PSORS1C1: variants seen among roughly 807,000 people sequenced by gnomAD.
PSORS1C1 encodes psoriasis susceptibility 1 candidate 1.
A neutral mutation model predicts 9.4 loss-of-function variants in PSORS1C1; 7 were observed. The observed-to-expected ratio is 0.75, with a 90% CI of 0.42 to 1.40. PSORS1C1 has a LOEUF of 1.40. PSORS1C1 is among the 40% of genes most tolerant of loss of function. The pLI is 0.01. For missense variants in PSORS1C1, 146 were observed against 178.1 expected, an observed-to-expected ratio of 0.82 and a Z score of 1.02; for synonymous variants, 63 against 69.4, an observed-to-expected ratio of 0.91 and a Z score of 0.46.
At chr6:31,119,960 A>C (rs1183725915) in intron 1 of PSORS1C1, among the ~76,000 whole-genome samples, 1 of 152,186 alleles carries the variant, frequency 6.6e-6, no homozygotes, top group Non-Finnish European at 1.5e-5. Flanking sequence ...TGCTTAAAAC[A>C]GAGTCTAGCA....
chr6:31,138,883 C>T, intron 5 of PSORS1C1, 104 bp downstream of exon 5: 1 of 1,600,478 alleles, frequency 6.2e-7, no homozygotes, highest in Non-Finnish European at 8.6e-7. Flanking sequence ...GAATTCCTGT[C>T]CCCAACCCCA....
intron 3 of PSORS1C1, among the ~76,000 whole-genome samples, chr6:31,137,146 A>T (rs1219027515): frequency 7.7e-6 from 1 of 130,472 alleles, no homozygotes; most frequent in Non-Finnish European, 1.6e-5. Flanking sequence ...GACTCCGTCT[A>T]AAAAAAAAAG....
rs56899166 is a variant in PSORS1C1, at chr6:31,116,020, ACTT to A, written c.-229+1133_-229+1135del. 824,604 of 1,601,398 alleles carry A rather than the reference ACTT, an allele frequency of 0.51. 218,877 individuals are homozygous for A. Among genetic ancestry groups the A allele is most frequent in the East Asian group, 0.68 (30,659 of 44,760 alleles). On this transcript the variant is annotated intron_variant, in intron 1 of 5. Coordinates refer to ENST00000259881, the MANE Select transcript of PSORS1C1 (RefSeq NM_014068.3). ...AAGGCATGCACACACACAACAGTTG[ACTT>A]CTTATGGACTGTTGAGTAACTCTCC...
intron 1 of PSORS1C1, among the ~76,000 whole-genome samples, chr6:31,119,209 C>G (rs9263665): frequency 0.053 from 8,029 of 152,168 alleles, 305 homozygotes; most frequent in South Asian, 0.12. Flanking sequence ...CCTGATCCCT[C>G]CACCAACAAC....
intron 3 of PSORS1C1, among the ~76,000 whole-genome samples, chr6:31,136,921 T>C (rs3130571): frequency 0.83 from 125,722 of 151,572 alleles, 52,361 homozygotes; most frequent in African/African-American, 0.93. Flanking sequence ...GAGGCCGAGG[T>C]GGGCAGATCA....
chr6:31,121,474 G>A (rs967831106), intron 1 of PSORS1C1, among the ~76,000 whole-genome samples: 5 of 152,216 alleles, frequency 3.3e-5, no homozygotes, highest in Non-Finnish European at 5.9e-5. Context: ...GAGAACCGGA[G>A]CCCTGCCATC....
chr6:31,137,684 A>C, intron 3 of PSORS1C1: 23 of 362,650 alleles, frequency 6.3e-5, no homozygotes, highest in Middle Eastern at 6.9e-4. Flanking sequence ...GGTGGGAGGT[A>C]GGTGCGGCCG....
intron 1 of PSORS1C1, chr6:31,120,507 A>C: frequency 8.5e-7 from 1 of 1,180,430 alleles, no homozygotes; most frequent in Non-Finnish European, 1.2e-6. Flanking sequence ...GGCAGGAGTC[A>C]CTGTGGGGAG....
At chr6:31,119,356 C>T (rs3095324) in intron 1 of PSORS1C1, among the ~76,000 whole-genome samples, 52,864 of 151,896 alleles carry the variant, frequency 0.35, 9,631 homozygotes, top group South Asian at 0.54. Flanking sequence ...CTCTCTCTTT[C>T]GCTATTCCCT....
At position 31,140,035 on chromosome 6, in the gene PSORS1C1, C is replaced by T. The variant is rs990192343; in HGVS notation, c.*103C>T. On this transcript the variant is annotated 3_prime_UTR_variant, in exon 6 of 6. Coordinates refer to ENST00000259881, the MANE Select transcript of PSORS1C1 (RefSeq NM_014068.3). This position sits in a 1 kb window ranked among gnomAD's most constrained non-coding sequence, Gnocchi z 4.6. The stretch of plus-strand genomic sequence containing the variant: ...ATGTCCAAAATAAAATTTGATTCCT[C>T]CCAGGTTGTTCCCTGCCTGGTCCGC... The T allele has an allele frequency of 3.9e-5, 46 of 1,164,786 alleles. No homozygotes were observed. Among genetic ancestry groups the T allele is most frequent in the Non-Finnish European group, 5.7e-5 (46 of 807,326 alleles). The allele number at this position is 1,164,786 out of a possible 1,614,324, so 72.2% of individuals were successfully genotyped here.
chr6:31,133,766 AT>A (rs570540660), intron 3 of PSORS1C1: 57 of 152,286 alleles, frequency 3.7e-4, no homozygotes, highest in African/African-American at 9.6e-4. Flanking sequence ...GAAACTACAT[AT>A]TTTTATTATT....
chr6:31,120,345 G>T, intron 1 of PSORS1C1: 1 of 1,583,948 alleles, frequency 6.3e-7, no homozygotes, highest in East Asian at 2.3e-5. Flanking sequence ...CTGGCAGGAG[G>T]AGACCAGCCA....
At chr6:31,121,453 A>C (rs1299091789) in intron 1 of PSORS1C1, among the ~76,000 whole-genome samples, 1 of 152,190 alleles carries the variant, frequency 6.6e-6, no homozygotes, top group Non-Finnish European at 1.5e-5. Flanking sequence ...CAAAGGATGA[A>C]AGGAGGCCAG....
intron 1 of PSORS1C1, chr6:31,118,035 G>A (rs1772263606): frequency 6.2e-6 from 1 of 161,972 alleles, no homozygotes; most frequent in Non-Finnish European, 1.4e-5. Context: ...GAGAATTGGG[G>A]AAACTGAGGC....
chr6:31,121,702 A>C (rs1489236859), intron 1 of PSORS1C1, among the ~76,000 whole-genome samples: 1 of 152,000 alleles, frequency 6.6e-6, no homozygotes, highest in Admixed American at 6.6e-5. Flanking sequence ...TCTCCTCACA[A>C]AGGCAGCTCT....
At chr6:31,116,450 C>G (rs1382119307) in intron 1 of PSORS1C1, 1 of 1,591,734 alleles carries the variant, frequency 6.3e-7, no homozygotes, top group African/African-American at 1.3e-5. Flanking sequence ...GAGCAGGGTC[C>G]CTTGGAGCCC....
At chr6:31,138,218 TG>T (rs1229183019) in intron 3 of PSORS1C1, 4 of 1,566,826 alleles carry the variant, frequency 2.6e-6, no homozygotes, top group East Asian at 2.2e-5. Flanking sequence ...CACCGGGGAC[TG>T]GGGGGCCCTG....
chr6:31,122,954 G>A (rs929137071), intron 1 of PSORS1C1, among the ~76,000 whole-genome samples: 2 of 152,160 alleles, frequency 1.3e-5, no homozygotes. Context: ...CCGTCCCAGG[G>A]TGTGAGGGGA....
At chr6:31,126,821 G>T (rs978742367) in intron 2 of PSORS1C1, among the ~76,000 whole-genome samples, 2 of 151,954 alleles carry the variant, frequency 1.3e-5, no homozygotes, top group East Asian at 3.9e-4. Context: ...CTTCCCAAAA[G>T]CAGCAGGGAG....
Sources: allele counts gnomAD v4.1 joint callset (sites outside exome capture counted in the v4.1 genomes callset), GRCh38; gene constraint gnomAD v4.1.1; non-coding constraint Gnocchi (gnomAD v3.1); transcripts MANE v1.5; gene names NCBI Gene and HGNC (gene_info 2026-07-23, HGNC 2026-07-21).